GRK4: variants seen among roughly 807,000 people sequenced by gnomAD.
GRK4 encodes the protein G protein-coupled receptor kinase 4, also known as G protein-coupled receptor kinase 2-like.
In GRK4, 73 loss-of-function variants were observed where a neutral mutation model predicts 77.9. That is an observed-to-expected ratio of 0.94 (90% CI 0.78 to 1.14). The LOEUF (loss-of-function observed/expected upper bound fraction) is 1.14, where lower values mean the gene tolerates loss of function less well. Ranked by LOEUF, GRK4 falls within the 50% of genes most tolerant of loss-of-function variation. GRK4 has a pLI of 0.00. For missense variants in GRK4, 729 were observed against 700.2 expected, an observed-to-expected ratio of 1.04 and a Z score of -0.46; for synonymous variants, 257 against 254.4, an observed-to-expected ratio of 1.01 and a Z score of -0.10.
At chr4:3,000,049 A>G (rs1031981015) in intron 4 of GRK4, among the ~76,000 whole-genome samples, 1 of 152,184 alleles carries the variant, frequency 6.6e-6, no homozygotes, top group Non-Finnish European at 1.5e-5. Context: ...GGTCTTTCCT[A>G]TTAGAATTTC....
In GRK4 at chr4:3,029,307, C is replaced by A. The variant is rs781539305; in HGVS notation, c.1167C>A (p.Tyr389Ter). ...MIQGHSPFKK[Y>*]KEKVKWEEVD... The stretch of plus-strand genomic sequence containing the variant: ...AGGGACATTCTCCATTCAAAAAATA[C>A]AAAGAGAAAGTCAAATGGGAGGAGG... Residue 389 changes from tyrosine (Y) to a stop codon, truncating the protein, a stop_gained, in exon 12 of 16, where the codon TAC becomes TAA. Coordinates refer to ENST00000398052, the MANE Select transcript of GRK4 (RefSeq NM_182982.3). LOFTEE classifies it high-confidence loss of function. 2.0e-5 allele frequency: 32 copies of A among 1,613,822 alleles called. No individual in the cohort carries two copies. The South Asian group carries it at 2.9e-4, about 14-fold the overall frequency.
intron 8 of GRK4, among the ~76,000 whole-genome samples, chr4:3,015,120 G>A (rs1734061322): frequency 6.6e-6 from 1 of 152,210 alleles, no homozygotes; most frequent in East Asian, 1.9e-4. Flanking sequence ...TATGAGCTCA[G>A]GGGAGCAGTT....
chr4:3,000,148 C>CTTAA (rs2109775571), intron 4 of GRK4, among the ~76,000 whole-genome samples: 1 of 152,226 alleles, frequency 6.6e-6, no homozygotes, highest in South Asian at 2.1e-4. Context: ...ATGATTGATC[C>CTTAA]TTAATGTAAA....
intron 6 of GRK4, 152 bp downstream of exon 6, chr4:3,007,980 C>T: frequency 1.9e-6 from 1 of 518,366 alleles, no homozygotes. Context: ...AGCCACTGCA[C>T]TCCAACCTGG....
intron 12 of GRK4, among the ~76,000 whole-genome samples, chr4:3,033,021 G>C (rs1739589700): frequency 6.6e-6 from 1 of 152,210 alleles, no homozygotes; most frequent in Admixed American, 6.5e-5. Flanking sequence ...TTCTCAGTCA[G>C]GAGGCTGGAA....
At chr4:3,030,762 G>A (rs1265448089) in intron 12 of GRK4, among the ~76,000 whole-genome samples, 2 of 152,176 alleles carry the variant, frequency 1.3e-5, no homozygotes, top group Non-Finnish European at 2.9e-5. Flanking sequence ...GGGACAGAGA[G>A]CAGGAAGCCC....
rs150529414 is a variant in GRK4 at position 2,964,074 on chromosome 4, G to A, written c.4G>A (p.Glu2Lys). 8 of 1,609,350 alleles carry A rather than the reference G, an allele frequency of 5.0e-6. No individual in the cohort carries two copies. Among genetic ancestry groups the A allele is most frequent in the Non-Finnish European group, 6.8e-6 (8 of 1,179,150 alleles). M[E>K]LENIVANSLL... ...CCGGCGGCGGCGGCGCCAGGACATG[G>A]AGCTCGAGAACATCGTGGCCAACTC... The change falls in exon 1 of 16, where the codon GAG becomes AAG. Residue 2 changes from glutamate (E) to lysine (K), a missense_variant. Coordinates refer to ENST00000398052, the MANE Select transcript of GRK4 (RefSeq NM_182982.3).
chr4:3,020,787 G>A (rs1261170134), intron 9 of GRK4, among the ~76,000 whole-genome samples: 1 of 150,732 alleles, frequency 6.6e-6, no homozygotes, highest in Non-Finnish European at 1.5e-5. Flanking sequence ...TGCTCAACAG[G>A]ATGAAAGGGG....
At chr4:2,965,139 C>G in intron 1 of GRK4, 1 of 614,952 alleles carries the variant, frequency 1.6e-6, no homozygotes, top group Admixed American at 2.7e-5. Context: ...AAAAATCCTG[C>G]TTAGTCTTTG....
intron 12 of GRK4, among the ~76,000 whole-genome samples, chr4:3,031,200 A>T (rs1739072991): frequency 6.6e-6 from 1 of 152,104 alleles, no homozygotes; most frequent in Admixed American, 6.5e-5. Flanking sequence ...GTGACCGGAG[A>T]GGAGGCAGAG....
chr4:3,037,637 C>G, intron 14 of GRK4, 126 bp downstream of exon 14: 2 of 1,148,538 alleles, frequency 1.7e-6, no homozygotes, highest in Non-Finnish European at 2.4e-6. Context: ...TATAAGACGG[C>G]TGGGCGCAGT....
chr4:2,992,822 A>C (rs1405760932), intron 4 of GRK4, among the ~76,000 whole-genome samples: 1 of 152,030 alleles, frequency 6.6e-6, no homozygotes, highest in Non-Finnish European at 1.5e-5. Context: ...TGCTACAAAA[A>C]AGAAAAAAAA....
chr4:2,976,720 A>G (rs1721303101), intron 1 of GRK4, among the ~76,000 whole-genome samples: 1 of 146,082 alleles, frequency 6.8e-6, no homozygotes, highest in Admixed American at 7.1e-5. Flanking sequence ...AGCTCACCAC[A>G]ACCTCCGCTT....
chr4:3,022,349 T>C, intron 9 of GRK4, 65 bp from the exon 10 acceptor site: 1 of 1,521,286 alleles, frequency 6.6e-7, no homozygotes, highest in Admixed American at 1.7e-5. Context: ...TTGTTCCTAC[T>C]GGGTACTCAG....
At chr4:2,976,631 CTTTTTTT>C (rs769469513) in intron 1 of GRK4, among the ~76,000 whole-genome samples, 10 of 117,352 alleles carry the variant, frequency 8.5e-5, no homozygotes, top group African/African-American at 1.6e-4. Flanking sequence ...TTCTTTCTTT[CTTTTTTT>C]TTTTTTTTTT....
In GRK4 at chr4:3,019,631, C is replaced by A. The variant is rs779328447; in HGVS notation, c.742-10C>A. 4 of 1,588,806 alleles carry A rather than the reference C, an allele frequency of 2.5e-6. No homozygotes were observed. The Admixed American group carries it at 7.2e-5, about 29-fold the overall frequency. On this transcript the variant is annotated splice_polypyrimidine_tract_variant and intron_variant, in intron 8 of 15. Transcript: ENST00000398052. ...TTCGTGTTCTGTTTTTATGATGTTG[C>A]TGTCTTTAGGTTAGTTTAGCCTACG...
intron 11 of GRK4, among the ~76,000 whole-genome samples, chr4:3,028,854 G>A (rs1317635896): frequency 4.6e-5 from 7 of 151,374 alleles, no homozygotes; most frequent in African/African-American, 1.5e-4. Context: ...TCACTGCAAC[G>A]TCCACCTCCC....
chr4:3,035,613 G>A lies in GRK4; in HGVS notation c.1407+90G>A, dbSNP rs1268718596. 9.2e-6 allele frequency: 13 copies of A among 1,418,344 alleles called. No individual in the cohort carries two copies. The Admixed American group carries it at 1.8e-4, about 20-fold the overall frequency. The allele number at this position is 1,418,344 out of a possible 1,614,324, so 87.9% of individuals were successfully genotyped here. A position where few individuals can be genotyped will look rare whatever the true frequency, so the allele number is the denominator to read the frequency against. The stretch of plus-strand genomic sequence containing the variant: ...TTTCTTTTTTCAAAAATAGAGATGG[G>A]GGGTCTCACTGTGTTGCCCAGGCTG... On this transcript the variant is annotated intron_variant, in intron 13 of 15. Coordinates refer to ENST00000398052, the MANE Select transcript of GRK4 (RefSeq NM_182982.3).
chr4:2,972,061 G>A lies in GRK4; in HGVS notation c.52+7939G>A, dbSNP rs181067878. On this transcript the variant is annotated intron_variant, in intron 1 of 15. Coordinates refer to ENST00000398052, the MANE Select transcript of GRK4 (RefSeq NM_182982.3). ...ACATAAACGTTTTTTAGGATGGGAC[G>A]AATTCAACCTGTAACAGGTACCTCT... Among the ~76,000 whole-genome samples, 6 of 152,322 alleles carry A rather than the reference G, an allele frequency of 3.9e-5. No homozygotes were observed. In the South Asian group the frequency reaches 6.2e-4, roughly 16 times the overall value.
Sources: gnomAD v4.1 joint callset for allele counts (sites outside exome capture counted in the v4.1 genomes callset) on GRCh38, gnomAD v4.1.1 for gene constraint, MANE v1.5 for transcripts, NCBI Gene and HGNC (gene_info 2026-07-23, HGNC 2026-07-21) for gene names.